NAV3: variants seen among roughly 807,000 people sequenced by gnomAD.
NAV3 encodes neuron navigator 3, also known as pore membrane and/or filament interacting like protein 1.
A neutral mutation model predicts 244.7 loss-of-function variants in NAV3; 87 were observed. The observed-to-expected ratio is 0.36, with a 90% CI of 0.30 to 0.42. The LOEUF (loss-of-function observed/expected upper bound fraction) is 0.42. Ranked by LOEUF, NAV3 falls within the 20% of genes least tolerant of loss-of-function variation. The pLI, the probability that NAV3 is intolerant of heterozygous loss-of-function variation, is 1.00. For missense variants in NAV3, 2,663 were observed against 2,893.3 expected (o/e 0.92, Z 1.83); for synonymous variants, 1,126 against 1,042.2 (o/e 1.08, Z -1.55).
chr12:78,090,008 T>C (rs1953837951), intron 12 of NAV3, among the ~76,000 whole-genome samples: 1 of 152,050 alleles, frequency 6.6e-6, no homozygotes, highest in African/African-American at 2.4e-5. Context: ...TATGATCTTG[T>C]TTGCATATTT....
chr12:77,728,772 A>G (rs1298270215), intron 2 of NAV3, among the ~76,000 whole-genome samples: 2 of 151,886 alleles, frequency 1.3e-5, no homozygotes, highest in Non-Finnish European at 2.9e-5. Flanking sequence ...GGTTTGAACT[A>G]CACGGGTCCA....
At chr12:77,628,731 A>T (rs991225755) in intron 2 of NAV3, among the ~76,000 whole-genome samples, 1 of 151,856 alleles carries the variant, frequency 6.6e-6, no homozygotes, top group African/African-American at 2.4e-5. Flanking sequence ...TAAAAAAAAA[A>T]ATACAAAAAA....
intron 2 of NAV3, among the ~76,000 whole-genome samples, chr12:77,742,391 T>C (rs1002453445): frequency 2.0e-5 from 3 of 152,114 alleles, no homozygotes; most frequent in Non-Finnish European, 2.9e-5. Flanking sequence ...ACAACACAGC[T>C]TTGAACTGTG....
At chr12:77,771,241 G>A (rs963696513) in intron 2 of NAV3, among the ~76,000 whole-genome samples, 122 of 152,180 alleles carry the variant, frequency 8.0e-4, no homozygotes, top group African/African-American at 1.6e-3. Context: ...TTAGAATGGC[G>A]ATCATTAAAA....
chr12:78,045,644 T>A (rs1358473580), intron 9 of NAV3, among the ~76,000 whole-genome samples: 2 of 152,162 alleles, frequency 1.3e-5, no homozygotes, highest in African/African-American at 2.4e-5. Context: ...AGTATGTGAT[T>A]GTGGATTTTT....
chr12:78,091,968 G>T (rs193257194), intron 12 of NAV3, among the ~76,000 whole-genome samples: 5 of 152,054 alleles, frequency 3.3e-5, no homozygotes, highest in Admixed American at 2.0e-4. Context: ...ATAATGGAAA[G>T]AACGAAAATG....
upstream of NAV3, among the ~76,000 whole-genome samples, chr12:77,826,687 C>T (rs1350528642): frequency 4.6e-5 from 7 of 152,182 alleles, no homozygotes; most frequent in South Asian, 4.1e-4. Context: ...CAGCCAAAAA[C>T]GAAAATACTG....
chr12:78,095,079 A>T (rs1421114092), intron 12 of NAV3, among the ~76,000 whole-genome samples: 1 of 139,070 alleles, frequency 7.2e-6, no homozygotes, highest in Non-Finnish European at 1.6e-5. Context: ...ACACACACAC[A>T]CACACACACA....
intron 1 of NAV3, among the ~76,000 whole-genome samples, chr12:77,832,917 C>A (rs1373480886): frequency 6.6e-6 from 1 of 152,096 alleles, no homozygotes; most frequent in Non-Finnish European, 1.5e-5. Flanking sequence ...TCATTTTACT[C>A]TGCTATCCAA....
rs1955669790 is a variant in NAV3, at chr12:78,121,552, G to A, written c.3750-388G>A. On this transcript the variant is annotated intron_variant, in intron 15 of 39. Transcript: ENST00000397909. ...AAAGAGAAGAGCTCATTTAAGTGTTGTCTATCGAATGCGTAGAAGTTGTTT... is the reference window on the plus strand; with the variant it reads ...AAAGAGAAGAGCTCATTTAAGTGTTATCTATCGAATGCGTAGAAGTTGTTT... Among the ~76,000 whole-genome samples the A allele has an allele frequency of 2.0e-5, 3 of 152,090 alleles. No individual in the cohort carries two copies. The South Asian group carries it at 6.2e-4, about 32-fold the overall frequency.
chr12:78,176,769 G>A (rs1958244464), intron 26 of NAV3, among the ~76,000 whole-genome samples: 1 of 152,042 alleles, frequency 6.6e-6, no homozygotes, highest in South Asian at 2.1e-4. Flanking sequence ...TGTACTGTCA[G>A]CAGGACATGA....
chr12:77,777,749 A>G (rs150306152), intron 2 of NAV3, among the ~76,000 whole-genome samples: 1 of 152,074 alleles, frequency 6.6e-6, no homozygotes, highest in East Asian at 1.9e-4. Flanking sequence ...CAGAGAGGGG[A>G]GAAAAGACTA....
chr12:77,993,985 T>C (rs898114458), intron 5 of NAV3, among the ~76,000 whole-genome samples: 4 of 119,132 alleles, frequency 3.4e-5, no homozygotes, highest in African/African-American at 1.5e-4. Context: ...CCAGAACTCT[T>C]AGGTAACGCA....
intron 2 of NAV3, among the ~76,000 whole-genome samples, chr12:77,723,571 A>G (rs1318679710): frequency 6.6e-6 from 1 of 151,860 alleles, no homozygotes; most frequent in African/African-American, 2.4e-5. Context: ...ATGCTGTGAA[A>G]GGCTTGAATC....
intron 2 of NAV3, among the ~76,000 whole-genome samples, chr12:77,752,866 C>G (rs1353952840): frequency 4.6e-5 from 7 of 152,164 alleles, no homozygotes; most frequent in Admixed American, 6.5e-5. Context: ...GCACAGGTTA[C>G]ATCCCTTTTT....
intron 33 of NAV3, among the ~76,000 whole-genome samples, chr12:78,189,504 AGAAGAGAATAAGGAGATGGGGT>A (rs1454272395): frequency 6.6e-6 from 1 of 151,556 alleles, no homozygotes; most frequent in Non-Finnish European, 1.5e-5. Flanking sequence ...AATGAGAGAT[AGAAGAGAATAAGGAGATGGGGT>A]GAAGAGAAAG....
chr12:77,997,867 T>G (rs913436171), intron 6 of NAV3, among the ~76,000 whole-genome samples: 9 of 152,234 alleles, frequency 5.9e-5, no homozygotes, highest in African/African-American at 2.2e-4. Context: ...TTCAGTAACT[T>G]TCTTGTGATT....
intron 2 of NAV3, among the ~76,000 whole-genome samples, chr12:77,648,567 C>T (rs1369184156): frequency 6.6e-6 from 1 of 152,082 alleles, no homozygotes; most frequent in Non-Finnish European, 1.5e-5. Flanking sequence ...TGGCACAACA[C>T]TCAGTGGAAG....
intron 2 of NAV3, among the ~76,000 whole-genome samples, chr12:77,702,843 C>CTGTATTTCATATAGA (rs1875623244): frequency 5.1e-5 from 1 of 19,760 alleles, no homozygotes; most frequent in East Asian, 0.012. Flanking sequence ...TTTGTATTTG[C>CTGTATTTCATATAGA]CTCTATATGA....
Sources: allele counts gnomAD v4.1 joint callset (sites outside exome capture counted in the v4.1 genomes callset), GRCh38; gene constraint gnomAD v4.1.1; transcripts MANE v1.5; gene names NCBI Gene and HGNC (gene_info 2026-07-23, HGNC 2026-07-21).